ANO8: variants seen among roughly 807,000 people sequenced by gnomAD.
ANO8 encodes the protein anoctamin 8.
Under a neutral mutation model 120.4 loss-of-function variants are expected in ANO8, and 67 were observed. The ratio of observed to expected loss-of-function variants is 0.56; its 90% CI spans 0.46 to 0.68. ANO8 has a LOEUF of 0.68. Ranked by LOEUF, ANO8 falls within the 30% of genes least tolerant of loss-of-function variation. ANO8 has a pLI of 0.00. For missense variants in ANO8, 1,526 were observed against 1,737.6 expected (o/e 0.88, Z 2.16); for synonymous variants, 727 against 759.2 (o/e 0.96, Z 0.70).
In ANO8 at chr19:17,333,087, A is replaced by C. The variant is rs2074331496; in HGVS notation, c.489+14T>G. The C allele has an allele frequency of 6.2e-7, 1 of 1,613,794 alleles. No homozygotes were observed. The highest frequency in any genetic ancestry group is 8.5e-7 in the Non-Finnish European group (1 of 1,179,762). The stretch of plus-strand genomic sequence containing the variant: ...AGGCACAGGATGCATGCGGGGGCCC[A>C]GAGCCGGCCTCACCTGGGAGGTGAA... On this transcript the variant is annotated intron_variant, in intron 4 of 17. Coordinates refer to ENST00000159087, the MANE Select transcript of ANO8 (RefSeq NM_020959.3). The surrounding 1 kb of genome is among the most constrained non-coding windows in gnomAD (Gnocchi z 7.2).
chr19:17,331,280 C>A lies in ANO8; in HGVS notation c.703+15G>T. 1 of 1,614,206 alleles carries A rather than the reference C, an allele frequency of 6.2e-7. No individual in the cohort carries two copies. The highest frequency in any genetic ancestry group is 8.5e-7 in the Non-Finnish European group (1 of 1,180,030). ...TCTGCTGGGACTCCCTCCCACCCCCCAGCCCAGGCAGCACCTAGAGGCTGG... is the reference window on the plus strand; with the variant it reads ...TCTGCTGGGACTCCCTCCCACCCCCAAGCCCAGGCAGCACCTAGAGGCTGG... On this transcript the variant is annotated intron_variant, in intron 6 of 17. Transcript: ENST00000159087.
At chr19:17,329,269 C>A in intron 12 of ANO8, 3 of 408,504 alleles carry the variant, frequency 7.3e-6, no homozygotes, top group East Asian at 8.2e-5. Context: ...CGTGCGCCCC[C>A]AGCCGCCTGC....
chr19:17,334,539 G>C lies in ANO8; in HGVS notation c.106+26C>G, dbSNP rs201533860. 383 of 1,524,422 alleles carry C rather than the reference G, an allele frequency of 2.5e-4. 1 individual carries two copies. The African/African-American group carries it at 4.9e-3, about 20-fold the overall frequency. The allele number at this position is 1,524,422 out of a possible 1,614,324, so 94.4% of individuals were successfully genotyped here. A position where few individuals can be genotyped will look rare whatever the true frequency, so the allele number is the denominator to read the frequency against. On this transcript the variant is annotated intron_variant, in intron 1 of 17. Coordinates refer to ENST00000159087, the MANE Select transcript of ANO8 (RefSeq NM_020959.3). ...GGGCTCCCCAGGCACCTGCAACCCT[G>C]TCTGGTCCAGCCGCCGCACACATAC...
chr19:17,328,945 C>G lies in ANO8; in HGVS notation c.1443G>C (p.Gln481His), dbSNP rs1323256739. Residue 481 changes from glutamine to histidine, a missense_variant, in exon 13 of 18, where the codon CAG becomes CAC. Physicochemically the swap from Gln to His is conservative, Grantham distance 24. Coordinates refer to ENST00000159087, the MANE Select transcript of ANO8 (RefSeq NM_020959.3). The stretch of plus-strand genomic sequence containing the variant: ...GCGGCTGCAGGACCTCGCGCACGTT[C>G]TGGAGGAACTGGCGGGTGATCAGCA... ...ATLLITRQFL[Q>H]NVREVLQPHL... is the part of the protein sequence containing the mutation. The G allele has an allele frequency of 1.3e-6, 2 of 1,509,294 alleles. No individual in the cohort carries two copies. The highest frequency in any genetic ancestry group is 2.1e-5 in the Admixed American group (1 of 47,948). 93.5% of individuals were successfully genotyped at this position (1,509,294 alleles called of 1,614,324 possible).
rs1480191157 is a variant in ANO8 at position 17,328,662 on chromosome 19, C to T, written c.1726G>A (p.Gly576Arg). The T allele has an allele frequency of 7.0e-7, 1 of 1,430,796 alleles. No individual in the cohort carries two copies. The highest frequency in any genetic ancestry group is 1.4e-5 in the South Asian group (1 of 72,352). The allele number at this position is 1,430,796 out of a possible 1,614,324, so 88.6% of individuals were successfully genotyped here. The change falls in exon 13 of 18, where the codon GGG (glycine) becomes AGG (arginine). Residue 576 changes from glycine (G) to arginine (R), a missense_variant. By Grantham distance (125) the Gly-to-Arg change is moderately radical. Around this residue, in one of 8 missense-constraint regions of ANO8, gnomAD observed 467 missense variants for 425.8 expected, o/e 1.10. Coordinates refer to ENST00000159087, the MANE Select transcript of ANO8 (RefSeq NM_020959.3). Reference sequence around the variant, plus strand: ...TCCTCCTCCTTGCCCCCTGGAGGCCCGTCCCCCTCCTCCCCGCCTTCCCCC... The same window carrying T: ...TCCTCCTCCTTGCCCCCTGGAGGCCTGTCCCCCTCCTCCCCGCCTTCCCCC... ...RAGEGGEEGD[G>R]PPGGKEEDED... is the part of the protein sequence containing the mutation.
chr19:17,327,371 G>A (rs1001222376), intron 15 of ANO8, 26 bp from the exon 16 acceptor site: 8 of 1,550,032 alleles, frequency 5.2e-6, no homozygotes, highest in African/African-American at 1.4e-5. Flanking sequence ...AGAGGAGGCT[G>A]CAGGCTGCAG....
chr19:17,333,724 A>G lies in ANO8; in HGVS notation c.183T>C (p.Pro61=). 3 of 1,608,472 alleles carry G rather than the reference A, an allele frequency of 1.9e-6. No homozygotes were observed. In the South Asian group the frequency reaches 3.3e-5, roughly 18 times the overall value. The part of the protein sequence containing the change: ...VSHKAWMKTV[P]TENCDVLMTF... ...TCATCAGCACGTCGCAGTTCTCTGT[A>G]GGCACCGTCTTCATCCACGCCTTGT... Residue 61 remains proline (P), a synonymous_variant, in exon 2 of 18, where the codon CCT becomes CCC. Coordinates refer to ENST00000159087, the MANE Select transcript of ANO8 (RefSeq NM_020959.3). This position sits in a 1 kb window ranked among gnomAD's most constrained non-coding sequence, Gnocchi z 7.2.
At chr19:17,329,916 GC>G in intron 11 of ANO8, 42 bp downstream of exon 11, 1 of 1,613,862 alleles carries the variant, frequency 6.2e-7, no homozygotes, top group Non-Finnish European at 8.5e-7. Context: ...AGACGGCACA[GC>G]TTCCCCGTTG....
intron 1 of ANO8, 116 bp downstream of exon 1, chr19:17,334,448 GC>G (rs2074345978): frequency 2.1e-6 from 2 of 945,866 alleles, no homozygotes; most frequent in Non-Finnish European, 3.1e-6. Flanking sequence ...GGAGGAGCCG[GC>G]CCCTCGTCCA....
At chr19:17,324,582 C>T (rs1234490072) in intron 17 of ANO8, 135 bp downstream of exon 17, 1 of 1,424,546 alleles carries the variant, frequency 7.0e-7, no homozygotes, top group East Asian at 2.4e-5. Flanking sequence ...CTCCACGTAC[C>T]ACTGACCCAG....
intron 13 of ANO8, 34 bp downstream of exon 13, chr19:17,328,128 C>G: frequency 6.7e-7 from 1 of 1,498,160 alleles, no homozygotes; most frequent in East Asian, 2.4e-5. Context: ...CCCGGCGAGG[C>G]CCCGCCCCCT....
chr19:17,329,687 T>A (rs1280120061), intron 12 of ANO8, 70 bp downstream of exon 12: 1 of 1,278,616 alleles, frequency 7.8e-7, no homozygotes. Context: ...TTGGACCCCT[T>A]GTGCCGGGTC....
At position 17,328,216 on chromosome 19, in the gene ANO8, T is replaced by C. The variant is rs150766407; in HGVS notation, c.2172A>G (p.Glu724=). The stretch of plus-strand genomic sequence containing the variant: ...CTGCCTGGGTGAGCTGGGGCGAGTG[T>C]TCCTCCTCCGGCGGGTCAATCCAAG... ...RSSWIDPPEE[E]HSPQLTQAEL... Residue 724 remains glutamate, a synonymous_variant, in exon 13 of 18, where the codon GAA becomes GAG. Transcript: ENST00000159087. The C allele has an allele frequency of 1.0e-5, 16 of 1,582,154 alleles. No individual in the cohort carries two copies. Among genetic ancestry groups the C allele is most frequent in the Non-Finnish European group, 1.4e-5 (16 of 1,156,856 alleles).
At chr19:17,324,679 C>T (rs550376615) in intron 17 of ANO8, 38 bp downstream of exon 17, 33 of 1,514,558 alleles carry the variant, frequency 2.2e-5, no homozygotes, top group East Asian at 2.0e-4. Flanking sequence ...TCCCCAAAGC[C>T]GGCCCGGCGT....
Position 17,334,676 on chromosome 19 carries a change from G to C in ANO8, c.-6C>G, listed in dbSNP as rs776485055. The stretch of plus-strand genomic sequence containing the variant: ...CCGGAGGCGGCCTCGGCCATGGCGA[G>C]GACAGGTCAGGTCAGGGGCTACGGA... On this transcript the variant is annotated 5_prime_UTR_variant, in exon 1 of 18. Coordinates refer to ENST00000159087, the MANE Select transcript of ANO8 (RefSeq NM_020959.3). The C allele has an allele frequency of 1.0e-4, 150 of 1,449,456 alleles. No homozygotes were observed. The highest frequency in any genetic ancestry group is 1.2e-4 in the Non-Finnish European group (138 of 1,110,566). The allele number at this position is 1,449,456 out of a possible 1,614,324, so 89.8% of individuals were successfully genotyped here.
chr19:17,328,290 CG>C lies in ANO8; in HGVS notation c.2097del (p.Gly700AlafsTer39). 6.2e-7 allele frequency: 1 copy of C among 1,605,744 alleles called. No homozygotes were observed. The highest frequency in any genetic ancestry group is 8.5e-7 in the Non-Finnish European group (1 of 1,177,170). ...CTACGGGTCGAATCGCTGTTGGAGC[CG>C]GGTTCCGGGTCCGGGCCCCCGTCGG... ...QGPDGGPDPE[P>X]GSNSDSTRRQ... On this transcript the variant is annotated frameshift_variant, in exon 13 of 18. Coordinates refer to ENST00000159087, the MANE Select transcript of ANO8 (RefSeq NM_020959.3). LOFTEE classifies it high-confidence loss of function.
At position 17,333,772 on chromosome 19, in the gene ANO8, C is replaced by G; in HGVS notation, c.135G>C (p.Gln45His). ...TGTGGGACACCAGGTAGCGACCAGC[C>G]TGCAGGAGCCGCTTTCCGAAAAGCT... The part of the protein sequence containing the change: ...LDKLFGKRLL[Q>H]AGRYLVSHKA... The change falls in exon 2 of 18, where the codon CAG becomes CAC. Residue 45 changes from glutamine to histidine, a missense_variant. Around this residue, in one of 8 missense-constraint regions of ANO8, gnomAD observed 322 missense variants for 431.8 expected, o/e 0.75. Coordinates refer to ENST00000159087, the MANE Select transcript of ANO8 (RefSeq NM_020959.3). The surrounding 1 kb of genome is among the most constrained non-coding windows in gnomAD (Gnocchi z 7.2). 6.2e-7 allele frequency: 1 copy of G among 1,605,446 alleles called. No homozygotes were observed. The highest frequency in any genetic ancestry group is 8.5e-7 in the Non-Finnish European group (1 of 1,177,124).
rs772407768 is a variant in ANO8 at position 17,323,343 on chromosome 19, G to GTGTGTGTT, written c.*173_*174insAACACACA. The GTGTGTGTT allele has an allele frequency of 1.0e-5, 4 of 394,402 alleles. No individual in the cohort carries two copies. The highest frequency in any genetic ancestry group is 1.8e-5 in the Non-Finnish European group (4 of 228,492). The allele number at this position is 394,402 out of a possible 1,614,324, so 24.4% of individuals were successfully genotyped here. A position where few individuals can be genotyped will look rare whatever the true frequency, so the allele number is the denominator to read the frequency against. On this transcript the variant is annotated 3_prime_UTR_variant, in exon 18 of 18. Coordinates refer to ENST00000159087, the MANE Select transcript of ANO8 (RefSeq NM_020959.3). ...TGTGTGTGTGTGTGTGTGTGTGTGT[G>GTGTGTGTT]TTTTCTGTTGGATTTGTGGGTTTCC...
In ANO8 at chr19:17,331,123, C is replaced by G. The variant is rs2074314948; in HGVS notation, c.796G>C (p.Gly266Arg). Residue 266 changes from glycine (G) to arginine (R), a missense_variant, in exon 7 of 18, where the codon GGG becomes CGG. Transcript: ENST00000159087. ...TSAMVYPAVF[G>R]SVLYTFTEAD... is the part of the protein sequence containing the mutation. ...TCTGTGAATGTGTACAGGACAGACC[C>G]GAAGACAGCTGGGTATACCATAGCC... The G allele has an allele frequency of 6.2e-7, 1 of 1,614,174 alleles. No homozygotes were observed. The highest frequency in any genetic ancestry group is 8.5e-7 in the Non-Finnish European group (1 of 1,180,026).
Sources: allele counts gnomAD v4.1 joint callset, GRCh38; gene constraint gnomAD v4.1.1; regional missense constraint gnomAD v4.1.1; non-coding constraint Gnocchi (gnomAD v3.1); transcripts MANE v1.5; gene names NCBI Gene and HGNC (gene_info 2026-07-23, HGNC 2026-07-21).